Variants in CSMD1 observed in about 807,000 individuals in gnomAD.
The protein encoded by CSMD1 is CUB and Sushi multiple domains 1.
A neutral mutation model predicts 417.5 loss-of-function variants in CSMD1; 213 were observed. That is an observed-to-expected ratio of 0.51 (90% CI 0.46 to 0.57). The LOEUF is 0.57. Ranked by LOEUF, CSMD1 falls within the 20% of genes least tolerant of loss-of-function variation. CSMD1 has a pLI of 0.00. For missense variants in CSMD1, 6,923 were observed against 4,529.7 expected (o/e 1.53, Z -15.17); for synonymous variants, 2,862 against 1,736.8 (o/e 1.65, Z -16.11).
intron 4 of CSMD1, among the ~76,000 whole-genome samples, chr8:4,011,718 C>T (rs182658648): frequency 8.5e-5 from 13 of 152,230 alleles, no homozygotes; most frequent in South Asian, 2.1e-4. Flanking sequence ...CAAAATAGTA[C>T]GGAGTTATCA....
intron 6 of CSMD1, among the ~76,000 whole-genome samples, chr8:3,736,229 G>A (rs1402595510): frequency 6.6e-6 from 1 of 152,022 alleles, no homozygotes; most frequent in Non-Finnish European, 1.5e-5. Flanking sequence ...TTGTGTGTGT[G>A]TGTATTTTTT....
Position 3,052,599 on chromosome 8 carries a change from C to G in CSMD1, c.7523G>C (p.Gly2508Ala). 6.2e-7 allele frequency: 1 copy of G among 1,611,872 alleles called. No individual in the cohort carries two copies. The highest frequency in any genetic ancestry group is 8.5e-7 in the Non-Finnish European group (1 of 1,179,046). Residue 2508 changes from glycine (G) to alanine (A), a missense_variant, in exon 50 of 70, where the codon GGG becomes GCG. Gly to Ala is a moderately conservative substitution (Grantham distance 60). Transcript: ENST00000635120. ...PESPGNGSFT[G>A]NEFTLDSKVV... The stretch of plus-strand genomic sequence containing the variant: ...TTTACTGTCCAAAGTGAACTCGTTC[C>G]CGGTAAATGAACCGTTTCCTGGGGA...
At chr8:4,149,797 T>C (rs1438759330) in intron 3 of CSMD1, among the ~76,000 whole-genome samples, 1 of 152,230 alleles carries the variant, frequency 6.6e-6, no homozygotes, top group East Asian at 1.9e-4. Context: ...GGAAGGTCAC[T>C]TGAGAATTTC....
rs567096730 is a variant in CSMD1, at chr8:3,308,595, C to G, written c.3632-92G>C. The G allele has an allele frequency of 3.0e-6, 3 of 995,204 alleles. No individual in the cohort carries two copies. In the South Asian group the frequency reaches 4.9e-5, roughly 16 times the overall value. 61.6% of individuals were successfully genotyped at this position (995,204 alleles called of 1,614,324 possible). On this transcript the variant is annotated intron_variant, in intron 23 of 69. Transcript: ENST00000635120. ...AAACAAACAAGGTTGCTAAATGCTC[C>G]TTGAAGGGTAGGGAGAAAAAAGGAG...
At chr8:3,477,663 A>C (rs957886469) in intron 11 of CSMD1, among the ~76,000 whole-genome samples, 1 of 152,224 alleles carries the variant, frequency 6.6e-6, no homozygotes, top group South Asian at 2.1e-4. Context: ...CAGAGGAAGA[A>C]GTCAACTCAG....
chr8:3,775,677 A>G (rs925151366), intron 5 of CSMD1, among the ~76,000 whole-genome samples: 3 of 152,224 alleles, frequency 2.0e-5, no homozygotes, highest in African/African-American at 7.2e-5. Flanking sequence ...AGCCCAACAC[A>G]GTCACTGAAA....
chr8:3,807,418 T>C (rs1316054258), intron 5 of CSMD1, among the ~76,000 whole-genome samples: 3 of 130,582 alleles, frequency 2.3e-5, no homozygotes, highest in African/African-American at 7.7e-5. Flanking sequence ...CAGAGGATGT[T>C]TTCTCTGATT....
At chr8:4,008,514 T>C (rs954477901) in intron 4 of CSMD1, among the ~76,000 whole-genome samples, 3 of 151,120 alleles carry the variant, frequency 2.0e-5, no homozygotes, top group Non-Finnish European at 4.4e-5. Flanking sequence ...GAACAAAACT[T>C]GAAGTTATTG....
chr8:4,323,740 GCTCA>G (rs527446210), intron 3 of CSMD1, among the ~76,000 whole-genome samples: 1 of 137,444 alleles, frequency 7.3e-6, no homozygotes, highest in East Asian at 2.8e-4. Context: ...TTTCACATCC[GCTCA>G]CTCAAATATC....
At chr8:4,275,576 G>A (rs995637013) in intron 3 of CSMD1, among the ~76,000 whole-genome samples, 1 of 151,982 alleles carries the variant, frequency 6.6e-6, no homozygotes, top group African/African-American at 2.4e-5. Context: ...CCTAAAATTG[G>A]CATAGATAAA....
chr8:4,069,787 T>C (rs913447797), intron 3 of CSMD1, among the ~76,000 whole-genome samples: 5 of 152,234 alleles, frequency 3.3e-5, no homozygotes, highest in Non-Finnish European at 7.3e-5. Flanking sequence ...TGTTTTGGTG[T>C]TAAACACGTA....
intron 10 of CSMD1, among the ~76,000 whole-genome samples, chr8:3,559,842 G>T (rs749395801): frequency 6.6e-6 from 1 of 152,150 alleles, no homozygotes; most frequent in East Asian, 1.9e-4. Flanking sequence ...CATATGGCAA[G>T]ACTACTAAGA....
intron 1 of CSMD1, among the ~76,000 whole-genome samples, chr8:4,695,720 C>T (rs901979188): frequency 7.9e-5 from 12 of 151,952 alleles, no homozygotes; most frequent in Non-Finnish European, 1.3e-4. Context: ...CAGGATTTAC[C>T]GTTGGTATTT....
intron 1 of CSMD1, among the ~76,000 whole-genome samples, chr8:4,679,975 A>G (rs1025222207): frequency 3.3e-5 from 5 of 152,220 alleles, no homozygotes; most frequent in African/African-American, 1.2e-4. Context: ...TATTTCTAGA[A>G]TATTAGCGAT....
At chr8:4,406,803 G>C (rs1805056801) in intron 3 of CSMD1, among the ~76,000 whole-genome samples, 1 of 152,284 alleles carries the variant, frequency 6.6e-6, no homozygotes, top group African/African-American at 2.4e-5. Context: ...GTTTGATGAA[G>C]GTGACTAACA....
At chr8:3,248,976 C>T (rs112025567) in intron 26 of CSMD1, among the ~76,000 whole-genome samples, 177 of 152,098 alleles carry the variant, frequency 1.2e-3, no homozygotes, top group Non-Finnish European at 2.1e-3. Flanking sequence ...CTGCTTTTAC[C>T]TTCTCTAGAA....
intron 54 of CSMD1, among the ~76,000 whole-genome samples, chr8:2,987,907 C>T (rs144040246): frequency 6.6e-6 from 1 of 152,182 alleles, no homozygotes; most frequent in African/African-American, 2.4e-5. Flanking sequence ...CATTTAAGTT[C>T]TGCCATACAT....
intron 2 of CSMD1, among the ~76,000 whole-genome samples, chr8:4,495,095 C>G (rs1206934974): frequency 6.6e-6 from 1 of 152,156 alleles, no homozygotes; most frequent in Non-Finnish European, 1.5e-5. Flanking sequence ...TCACTATTCA[C>G]CCTGCTTCTA....
intron 1 of CSMD1, among the ~76,000 whole-genome samples, chr8:4,844,897 C>CAA (rs1801044755): frequency 6.6e-6 from 1 of 152,082 alleles, no homozygotes; most frequent in Non-Finnish European, 1.5e-5. Flanking sequence ...CCACAGTATA[C>CAA]AAGAGTATGG....
Sources: gnomAD v4.1 joint callset for allele counts (sites outside exome capture counted in the v4.1 genomes callset) on GRCh38, gnomAD v4.1.1 for gene constraint, MANE v1.5 for transcripts, NCBI Gene and HGNC (gene_info 2026-07-23, HGNC 2026-07-21) for gene names.